The following DYM variants were observed in gnomAD, a reference collection of about 807,000 sequenced individuals.
DYM encodes the protein dyggve-Melchior-Clausen syndrome protein.
DYM carries 78 observed loss-of-function variants against 93.1 expected under a neutral mutation model. That is an observed-to-expected ratio of 0.84 (90% CI 0.70 to 1.01). The LOEUF (loss-of-function observed/expected upper bound fraction) is 1.01. Among genes scored for constraint, DYM ranks in the 50% least tolerant of loss-of-function variants. DYM has a pLI of 0.00. For synonymous variants in DYM, 321 were observed against 319.7 expected (o/e 1.00, Z -0.04); for missense variants, 789 against 845.0 (o/e 0.93, Z 0.82).
intron 3 of DYM, chr18:49,390,919 A>G (rs2069171416): frequency 6.5e-6 from 1 of 154,516 alleles, no homozygotes; most frequent in African/African-American, 2.4e-5. Context: ...TCTAAGTAAA[A>G]CTGCCTGCAT....
At chr18:49,352,579 T>C (rs562047173) in intron 6 of DYM, among the ~76,000 whole-genome samples, 13 of 152,252 alleles carry the variant, frequency 8.5e-5, no homozygotes, top group African/African-American at 2.6e-4. Context: ...AGGGATGTAA[T>C]TGAATTGTTC....
intron 15 of DYM, among the ~76,000 whole-genome samples, chr18:49,152,890 T>A (rs1365532153): frequency 1.2e-4 from 19 of 152,208 alleles, no homozygotes; most frequent in Non-Finnish European, 1.5e-5. Context: ...TACTGCATGA[T>A]CTCACTTAGA....
chr18:49,340,036 C>T (rs566519275), intron 6 of DYM, among the ~76,000 whole-genome samples: 87 of 152,204 alleles, frequency 5.7e-4, no homozygotes, highest in Non-Finnish European at 1.0e-3. Context: ...CTGCAAGCTC[C>T]GCCTCCTGGA....
intron 13 of DYM, among the ~76,000 whole-genome samples, chr18:49,220,705 G>T (rs931605429): frequency 3.9e-5 from 6 of 152,068 alleles, no homozygotes; most frequent in Non-Finnish European, 7.4e-5. Flanking sequence ...TAGCCATATG[G>T]AGAAAGCTGA....
At chr18:49,169,296 G>A (rs893204652) in intron 14 of DYM, among the ~76,000 whole-genome samples, 1 of 152,204 alleles carries the variant, frequency 6.6e-6, no homozygotes, top group African/African-American at 2.4e-5. Flanking sequence ...GATGATGCCT[G>A]CACTGCTTCT....
intron 8 of DYM, among the ~76,000 whole-genome samples, chr18:49,319,407 G>T (rs2062293998): frequency 6.6e-6 from 1 of 152,128 alleles, no homozygotes; most frequent in African/African-American, 2.4e-5. Context: ...TAAAAAAGGG[G>T]AAATTACATT....
intron 16 of DYM, among the ~76,000 whole-genome samples, chr18:49,112,957 G>T (rs554444378): frequency 1.5e-4 from 22 of 151,676 alleles, no homozygotes; most frequent in Non-Finnish European, 3.2e-4. Context: ...TCTCCTACCG[G>T]TATTCTAACG....
rs553738684 is a variant in DYM at position 49,063,334 on chromosome 18, C to A, written c.2026-19130G>T. 1.2e-4 allele frequency among the ~76,000 whole-genome samples: 18 copies of A among 148,510 alleles called. No homozygotes were observed. The South Asian group carries it at 3.8e-3, about 31-fold the overall frequency. ...TTTTTTTTTTTTTTTTAAATCCATG[C>A]CTAAAGAATTTCCCTCTTACTAAAA... On this transcript the variant is annotated intron_variant, in intron 17 of 17. Coordinates refer to ENST00000675505, the MANE Select transcript of DYM (RefSeq NM_001353214.3).
rs537284187 is a variant in DYM, at chr18:49,223,199, C to T, written c.1461-13484G>A. Among the ~76,000 whole-genome samples the T allele has an allele frequency of 6.6e-4, 100 of 152,182 alleles. No individual in the cohort carries two copies. The Middle Eastern group carries it at 0.014, about 21-fold the overall frequency. On this transcript the variant is annotated intron_variant, in intron 13 of 17. Transcript: ENST00000675505. ...GTGAGATATTCTGTAAGACTGCTTACCTGTTGACCAACTAGTCAAAGATGT... is the reference window on the plus strand; with the variant it reads ...GTGAGATATTCTGTAAGACTGCTTATCTGTTGACCAACTAGTCAAAGATGT...
chr18:49,068,630 T>C (rs1258925961), intron 17 of DYM, among the ~76,000 whole-genome samples: 1 of 152,204 alleles, frequency 6.6e-6, no homozygotes, highest in East Asian at 1.9e-4. Flanking sequence ...CTGGGTACCC[T>C]GACACTTGGC....
At chr18:49,130,891 A>T (rs1568468358) in intron 15 of DYM, among the ~76,000 whole-genome samples, 1 of 152,154 alleles carries the variant, frequency 6.6e-6, no homozygotes, top group Non-Finnish European at 1.5e-5. Context: ...AAATAGTAGG[A>T]ACATAGGCCC....
At position 49,096,782 on chromosome 18, in the gene DYM, C is replaced by G. The variant is rs149640246; in HGVS notation, c.2025+620G>C. On this transcript the variant is annotated intron_variant, in intron 17 of 17. Coordinates refer to ENST00000675505, the MANE Select transcript of DYM (RefSeq NM_001353214.3). The stretch of plus-strand genomic sequence containing the variant: ...CTTCCCCCACCTTCTCCACGAAGTG[C>G]ATCTCTTTCCACTATTACATCCCAG... 2.6e-4 allele frequency among the ~76,000 whole-genome samples: 40 copies of G among 152,338 alleles called. No homozygotes were observed. The East Asian group carries it at 7.5e-3, about 29-fold the overall frequency.
intron 6 of DYM, chr18:49,359,618 A>G (rs2065852208): frequency 6.6e-6 from 1 of 152,226 alleles, no homozygotes; most frequent in Non-Finnish European, 1.5e-5. Context: ...TAGCATACAC[A>G]TGTATGTGTC....
intron 13 of DYM, 135 bp downstream of exon 13, chr18:49,256,875 A>G: frequency 1.4e-6 from 1 of 730,356 alleles, no homozygotes; most frequent in Non-Finnish European, 2.4e-6. Context: ...TTTCAACCAA[A>G]CAAGAAGGTG....
At chr18:49,374,510 A>C (rs1220014263) in intron 5 of DYM, among the ~76,000 whole-genome samples, 2 of 152,238 alleles carry the variant, frequency 1.3e-5, no homozygotes, top group Non-Finnish European at 2.9e-5. Flanking sequence ...AGTACCACTA[A>C]TCAAATGTGG....
intron 5 of DYM, chr18:49,368,560 G>A (rs2066715790): frequency 6.6e-6 from 1 of 152,018 alleles, no homozygotes; most frequent in Admixed American, 6.6e-5. Context: ...AACAAATAAA[G>A]CAAAAACCAC....
At chr18:49,178,097 T>C (rs1226367742) in intron 14 of DYM, among the ~76,000 whole-genome samples, 2 of 152,168 alleles carry the variant, frequency 1.3e-5, no homozygotes, top group African/African-American at 2.4e-5. Context: ...GAAGTTGTTA[T>C]CAATGCCTAT....
intron 6 of DYM, among the ~76,000 whole-genome samples, chr18:49,336,227 T>C (rs561272286): frequency 7.1e-4 from 108 of 152,340 alleles, no homozygotes; most frequent in African/African-American, 2.4e-3. Context: ...TAAATTGTTT[T>C]AGTTTTGCTT....
At chr18:49,127,998 A>G (rs1007291446) in intron 15 of DYM, among the ~76,000 whole-genome samples, 9 of 152,230 alleles carry the variant, frequency 5.9e-5, no homozygotes, top group African/African-American at 1.9e-4. Flanking sequence ...AATGTGACCC[A>G]CAAGCCTCAA....
Sources: gnomAD v4.1 joint callset for allele counts (sites outside exome capture counted in the v4.1 genomes callset) on GRCh38, gnomAD v4.1.1 for gene constraint, MANE v1.5 for transcripts, NCBI Gene and HGNC (gene_info 2026-07-23, HGNC 2026-07-21) for gene names.